SLC2A14: variants seen among roughly 807,000 people sequenced by gnomAD.
The protein encoded by SLC2A14 is solute carrier family 2 member 14.
In SLC2A14, 13 loss-of-function variants were observed where a neutral mutation model predicts 43.0. That is an observed-to-expected ratio of 0.30 (90% CI 0.20 to 0.48). The LOEUF is 0.48. SLC2A14 is among the 20% of genes least tolerant of loss of function. The pLI is 0.99. For missense variants in SLC2A14, 428 were observed against 620.4 expected (o/e 0.69, Z 3.29); for synonymous variants, 190 against 233.8 (o/e 0.81, Z 1.71).
intron 2 of SLC2A14, among the ~76,000 whole-genome samples, chr12:7,845,777 T>TC (rs1866416739): frequency 4.5e-5 from 1 of 22,428 alleles, no homozygotes; most frequent in Non-Finnish European, 9.6e-5. Flanking sequence ...AGACTCCATC[T>TC]CAAAAAAAAA....
At chr12:7,875,049 A>G (rs1945428832), upstream of SLC2A14, among the ~76,000 whole-genome samples, 1 of 119,246 alleles carries the variant, frequency 8.4e-6, no homozygotes, top group Non-Finnish European at 1.6e-5. Context: ...ATATATATTT[A>G]TATATAAATT....
chr12:7,861,095 A>G (rs1007830624), intron 2 of SLC2A14, among the ~76,000 whole-genome samples: 1 of 152,058 alleles, frequency 6.6e-6, no homozygotes, highest in African/African-American at 2.4e-5. Context: ...CCCGGCATCA[A>G]CTGTTTTCAT....
chr12:7,872,402 T>G (rs958608285), intron 1 of SLC2A14: 1 of 152,172 alleles, frequency 6.6e-6, no homozygotes, highest in Non-Finnish European at 1.5e-5. Flanking sequence ...CACAAAGGCC[T>G]CTCAGACCGA....
chr12:7,851,069 G>A (rs980765192), intron 2 of SLC2A14, among the ~76,000 whole-genome samples: 10 of 152,150 alleles, frequency 6.6e-5, no homozygotes, highest in African/African-American at 2.4e-4. Flanking sequence ...AGCATTTTCT[G>A]CAAGCAATCT....
At chr12:7,864,799 C>T (rs1157433766) in intron 2 of SLC2A14, among the ~76,000 whole-genome samples, 1 of 152,092 alleles carries the variant, frequency 6.6e-6, no homozygotes, top group Non-Finnish European at 1.5e-5. Flanking sequence ...AAAGAGTCAG[C>T]CGACCCAGGC....
intron 2 of SLC2A14, among the ~76,000 whole-genome samples, chr12:7,867,844 C>CAA (rs34320554): frequency 1.2e-4 from 14 of 112,194 alleles, no homozygotes; most frequent in African/African-American, 1.3e-4. Flanking sequence ...GACTCTGTCT[C>CAA]AAAAAAAAAA....
intron 10 of SLC2A14, among the ~76,000 whole-genome samples, chr12:7,814,836 G>A (rs929351271): frequency 5.9e-5 from 9 of 151,726 alleles, no homozygotes. Context: ...GTCTCACTCT[G>A]TCACCCAGGC....
At chr12:7,876,908 A>AT (rs925281677), upstream of SLC2A14, among the ~76,000 whole-genome samples, 3 of 150,458 alleles carry the variant, frequency 2.0e-5, no homozygotes, top group South Asian at 2.1e-4. Context: ...AGTTCATATA[A>AT]TTTTTTTTTC....
At chr12:7,884,890 T>C (rs1037823343) in intron 1 of SLC2A14, among the ~76,000 whole-genome samples, 1 of 151,516 alleles carries the variant, frequency 6.6e-6, no homozygotes, top group Non-Finnish European at 1.5e-5. Flanking sequence ...GAGGGTAGGG[T>C]GGGAAAGAGG....
rs1863223930 is a variant in SLC2A14, at chr12:7,814,010, TA to T, written c.*305del. 2.6e-6 allele frequency: 1 copy of T among 378,734 alleles called. No homozygotes were observed. The highest frequency in any genetic ancestry group is 2.0e-5 in the African/African-American group (1 of 49,280). The allele number at this position is 378,734 out of a possible 1,614,324, so 23.5% of individuals were successfully genotyped here. ...TCTCCTATATCCTCTAGTGCGGCAA[TA>T]TCAGAACCCAAGGGAGGAAAAGCTG... On this transcript the variant is annotated 3_prime_UTR_variant, in exon 11 of 11. Coordinates refer to ENST00000431042, the MANE Select transcript of SLC2A14 (RefSeq NM_001286234.2).
chr12:7,875,754 C>G (rs1945453377), upstream of SLC2A14, among the ~76,000 whole-genome samples: 1 of 152,072 alleles, frequency 6.6e-6, no homozygotes, highest in South Asian at 2.1e-4. Context: ...AGGTGGATTA[C>G]CTGAGGTCAG....
chr12:7,872,847 C>T lies in SLC2A14; in HGVS notation c.-98G>A. 1 of 985,574 alleles carries T rather than the reference C, an allele frequency of 1.0e-6. No individual in the cohort carries two copies. The highest frequency in any genetic ancestry group is 1.7e-5 in the African/African-American group (1 of 57,368). 61.1% of individuals were successfully genotyped at this position (985,574 alleles called of 1,614,324 possible). On this transcript the variant is annotated 5_prime_UTR_variant, in exon 1 of 11. Coordinates refer to ENST00000431042, the MANE Select transcript of SLC2A14 (RefSeq NM_001286234.2). ...ACTGCGGTTGGGCCCCGCGGCTTCG[C>T]TCAACCACGCACCTCCCGGGCCGCT...
At chr12:7,823,750 T>G (rs1168628745) in intron 7 of SLC2A14, among the ~76,000 whole-genome samples, 1 of 151,876 alleles carries the variant, frequency 6.6e-6, no homozygotes, top group Non-Finnish European at 1.5e-5. Flanking sequence ...ATTGAAATAT[T>G]GGACTCAGAC....
In SLC2A14 at chr12:7,844,871, A is replaced by G. The variant is rs1866329115; in HGVS notation, c.19-12057T>C. The stretch of plus-strand genomic sequence containing the variant: ...AATTCTAAGCAAAAACAAGTGAGCT[A>G]CATCTTTGTCTTAATATGTATATGG... On this transcript the variant is annotated intron_variant, in intron 2 of 10. Coordinates refer to ENST00000431042, the MANE Select transcript of SLC2A14 (RefSeq NM_001286234.2). Among the ~76,000 whole-genome samples the G allele has an allele frequency of 2.0e-5, 3 of 152,154 alleles. No individual in the cohort carries two copies. The South Asian group carries it at 6.2e-4, about 32-fold the overall frequency.
upstream of SLC2A14, among the ~76,000 whole-genome samples, chr12:7,875,042 T>G (rs1468642581): frequency 8.6e-6 from 1 of 116,882 alleles, no homozygotes. Context: ...TATATAAATA[T>G]ATATTTATAT....
At chr12:7,877,228 C>T (rs1293966182), upstream of SLC2A14, among the ~76,000 whole-genome samples, 1 of 151,976 alleles carries the variant, frequency 6.6e-6, no homozygotes. Context: ...GAACTCCTGA[C>T]CTCAGGTGAT....
chr12:7,839,970 G>A, intron 2 of SLC2A14: 1 of 383,334 alleles, frequency 2.6e-6, no homozygotes, highest in South Asian at 2.0e-5. Context: ...AAATTAGTGA[G>A]GCATGGTGGT....
intron 2 of SLC2A14, among the ~76,000 whole-genome samples, chr12:7,861,134 A>C (rs1334073162): frequency 6.6e-6 from 1 of 152,064 alleles, no homozygotes; most frequent in Non-Finnish European, 1.5e-5. Flanking sequence ...TTAAAGAAAG[A>C]AGCAGCCAAA....
chr12:7,824,821 T>C (rs980686816), intron 7 of SLC2A14, among the ~76,000 whole-genome samples: 1 of 151,598 alleles, frequency 6.6e-6, no homozygotes, highest in Admixed American at 6.6e-5. Context: ...GATTGATTGA[T>C]TGATTGATTT....
Sources: allele counts gnomAD v4.1 joint callset (sites outside exome capture counted in the v4.1 genomes callset), GRCh38; gene constraint gnomAD v4.1.1; transcripts MANE v1.5; gene names NCBI Gene and HGNC (gene_info 2026-07-23, HGNC 2026-07-21).